Variants in CORO2B observed in about 807,000 individuals in gnomAD.
The protein encoded by CORO2B is coronin 2B.
A neutral mutation model predicts 58.8 loss-of-function variants in CORO2B; 26 were observed. That is an observed-to-expected ratio of 0.44 (90% CI 0.32 to 0.61). The LOEUF (loss-of-function observed/expected upper bound fraction) is 0.61. Among genes scored for constraint, CORO2B ranks in the 20% least tolerant of loss-of-function variants. The pLI is 0.04. For synonymous variants in CORO2B, 242 were observed against 253.8 expected (o/e 0.95, Z 0.44); for missense variants, 460 against 645.1 (o/e 0.71, Z 3.11).
intron 2 of CORO2B, among the ~76,000 whole-genome samples, chr15:68,687,972 A>G (rs1388365229): frequency 6.6e-6 from 1 of 152,254 alleles, no homozygotes; most frequent in Admixed American, 6.5e-5. Context: ...TTTCCAACAC[A>G]TGAACTCTGG....
At chr15:68,701,227 G>C (rs1892634779) in intron 3 of CORO2B, among the ~76,000 whole-genome samples, 1 of 151,754 alleles carries the variant, frequency 6.6e-6, no homozygotes, top group East Asian at 1.9e-4. Flanking sequence ...AAGCAGCCAG[G>C]CTCAGGAGTC....
At chr15:68,718,154 C>G (rs1429453531) in intron 8 of CORO2B, among the ~76,000 whole-genome samples, 2 of 152,204 alleles carry the variant, frequency 1.3e-5, no homozygotes, top group Non-Finnish European at 2.9e-5. Context: ...TGAACCCACA[C>G]AGGAAACATG....
the CORO2B span, among the ~76,000 whole-genome samples, chr15:68,545,974 C>T: frequency 2.0e-5 from 3 of 152,310 alleles, no homozygotes; most frequent in Admixed American, 6.5e-5. Flanking sequence ...ACGGGGTCTC[C>T]TAAACTCCTA....
chr15:68,560,111 AGTGCTCAGGCATTGGCTGGGGGCT>A, the CORO2B span, among the ~76,000 whole-genome samples: 4 of 152,170 alleles, frequency 2.6e-5, no homozygotes, highest in Admixed American at 2.6e-4. Context: ...GCACCCGTGC[AGTGCTCAGGCATTGGCTGGGGGCT>A]GCCTGGGAAG....
intron 2 of CORO2B, among the ~76,000 whole-genome samples, chr15:68,647,975 C>G (rs1169241082): frequency 7.2e-6 from 1 of 139,432 alleles, no homozygotes; most frequent in Non-Finnish European, 1.5e-5. Flanking sequence ...CTGCAGTGAG[C>G]TATGATCACT....
chr15:68,531,721 T>A, the CORO2B span, among the ~76,000 whole-genome samples: 1 of 151,754 alleles, frequency 6.6e-6, no homozygotes, highest in Admixed American at 6.6e-5. Context: ...TATTTTATAT[T>A]TACCAACATA....
chr15:68,696,754 G>A (rs1892522200), intron 3 of CORO2B, among the ~76,000 whole-genome samples: 1 of 152,146 alleles, frequency 6.6e-6, no homozygotes, highest in East Asian at 1.9e-4. Context: ...GGAAGAAAGA[G>A]GAGATTTCAG....
At chr15:68,565,665 C>A in the CORO2B span, among the ~76,000 whole-genome samples, 1 of 152,192 alleles carries the variant, frequency 6.6e-6, no homozygotes, top group Non-Finnish European at 1.5e-5. Flanking sequence ...CGGGATGACC[C>A]TCACTCCATG....
intron 2 of CORO2B, among the ~76,000 whole-genome samples, chr15:68,671,610 G>A (rs576318301): frequency 7.2e-5 from 11 of 152,326 alleles, no homozygotes; most frequent in South Asian, 4.1e-4. Flanking sequence ...CTGAAGGCTC[G>A]ACTGGGGAAT....
chr15:68,583,345 A>G (rs928623789), intron 1 of CORO2B, among the ~76,000 whole-genome samples: 6 of 152,198 alleles, frequency 3.9e-5, no homozygotes, highest in Admixed American at 6.5e-5. Context: ...TGGGAGCAGA[A>G]GTTGTAACTT....
intron 1 of CORO2B, among the ~76,000 whole-genome samples, chr15:68,585,212 G>A (rs183270013): frequency 9.3e-4 from 141 of 152,256 alleles, no homozygotes; most frequent in African/African-American, 3.1e-3. Context: ...ATTTAGGGAC[G>A]GATAAACAGA....
At chr15:68,635,772 G>A (rs1261552901) in intron 1 of CORO2B, among the ~76,000 whole-genome samples, 1 of 152,186 alleles carries the variant, frequency 6.6e-6, no homozygotes, top group African/African-American at 2.4e-5. Flanking sequence ...TGCAAATAGG[G>A]GGATGGACAA....
chr15:68,632,471 C>T lies in CORO2B; in HGVS notation c.16-12689C>T, dbSNP rs1310996998. On this transcript the variant is annotated intron_variant, in intron 1 of 11. Coordinates refer to ENST00000261861, the MANE Select transcript of CORO2B (RefSeq NM_006091.5). ...AAACGTCCTCTCTCAACAATTCTGG[C>T]TCTTAAGATATTTTGTGGCTGCAGA... 9 of 972,538 alleles carry T rather than the reference C, an allele frequency of 9.3e-6. No homozygotes were observed. The African/African-American group carries it at 1.6e-4, about 17-fold the overall frequency. 60.2% of individuals were successfully genotyped at this position (972,538 alleles called of 1,614,324 possible).
intron 3 of CORO2B, among the ~76,000 whole-genome samples, chr15:68,700,217 G>A (rs1892607958): frequency 6.6e-6 from 1 of 152,180 alleles, no homozygotes. Flanking sequence ...GAGGTCAGTC[G>A]GCAAAGCTGC....
At chr15:68,601,861 C>T (rs924160689) in intron 1 of CORO2B, among the ~76,000 whole-genome samples, 1 of 152,164 alleles carries the variant, frequency 6.6e-6, no homozygotes, top group African/African-American at 2.4e-5. Context: ...AAATTGATTT[C>T]TCATAGCCGT....
At chr15:68,691,640 A>G (rs1298228282) in intron 2 of CORO2B, among the ~76,000 whole-genome samples, 1 of 149,552 alleles carries the variant, frequency 6.7e-6, no homozygotes, top group Non-Finnish European at 1.5e-5. Flanking sequence ...AAAAAAAAAA[A>G]AAAAAAGAAA....
At chr15:68,548,242 ATTCTT>A in the CORO2B span, among the ~76,000 whole-genome samples, 39 of 151,750 alleles carry the variant, frequency 2.6e-4, 1 homozygote, top group African/African-American at 8.7e-4. Context: ...CATACATCTA[ATTCTT>A]TTCTTTTAAA....
At position 68,694,683 on chromosome 15, in the gene CORO2B, G is replaced by A. The variant is rs531397295; in HGVS notation, c.217-457G>A. Reference sequence around the variant, plus strand: ...ATCCAAAGCTGACTGTGCCCTGGGGGAAGCAGGGAGTGTGGGCCCCAGGGA... The same window carrying A: ...ATCCAAAGCTGACTGTGCCCTGGGGAAAGCAGGGAGTGTGGGCCCCAGGGA... On this transcript the variant is annotated intron_variant, in intron 2 of 11. Coordinates refer to ENST00000261861, the MANE Select transcript of CORO2B (RefSeq NM_006091.5). Among the ~76,000 whole-genome samples the A allele has an allele frequency of 1.6e-4, 24 of 152,310 alleles. No individual in the cohort carries two copies. In the South Asian group the frequency reaches 4.8e-3, roughly 30 times the overall value.
chr15:68,616,096 C>T (rs1406003557), intron 1 of CORO2B, among the ~76,000 whole-genome samples: 3 of 152,114 alleles, frequency 2.0e-5, no homozygotes, highest in Non-Finnish European at 4.4e-5. Flanking sequence ...ATGGAAGAAC[C>T]CAGCTCAGAC....
Sources: gnomAD v4.1 joint callset for allele counts (sites outside exome capture counted in the v4.1 genomes callset) on GRCh38, gnomAD v4.1.1 for gene constraint, MANE v1.5 for transcripts, NCBI Gene and HGNC (gene_info 2026-07-23, HGNC 2026-07-21) for gene names.